Variants in ABCA5 observed in about 807,000 individuals in gnomAD.
The protein encoded by ABCA5 is ATP binding cassette subfamily A member 5.
In ABCA5, 163 loss-of-function variants were observed where a neutral mutation model predicts 206.0. The ratio of observed to expected loss-of-function variants is 0.79; its 90% CI spans 0.70 to 0.90. The LOEUF is 0.90. Ranked by LOEUF, ABCA5 falls within the 40% of genes least tolerant of loss-of-function variation. The probability of loss-of-function intolerance (pLI) is 0.00; values close to 1 mark genes in which losing one functional copy is unlikely to be tolerated. For missense variants in ABCA5, 1,859 were observed against 1,912.9 expected, an observed-to-expected ratio of 0.97 and a Z score of 0.53; for synonymous variants, 609 against 613.8, an observed-to-expected ratio of 0.99 and a Z score of 0.11.
At chr17:69,260,150 T>A (rs2075130998) in intron 27 of ABCA5, among the ~76,000 whole-genome samples, 188 bp downstream of exon 27, 1 of 151,952 alleles carries the variant, frequency 6.6e-6, no homozygotes, top group African/African-American at 2.4e-5. Flanking sequence ...TATATTAAAG[T>A]GAACATATTC....
chr17:69,300,544 A>G (rs886564220), intron 9 of ABCA5, among the ~76,000 whole-genome samples: 8 of 152,224 alleles, frequency 5.3e-5, no homozygotes, highest in Admixed American at 1.3e-4. Context: ...ACAGCCATAT[A>G]TGGCTACTGA....
chr17:69,256,381 A>G (rs2075080524), intron 28 of ABCA5, 98 bp from the exon 29 acceptor site: 13 of 665,800 alleles, frequency 2.0e-5, no homozygotes, highest in Non-Finnish European at 2.9e-5. Flanking sequence ...GAAAAAATAC[A>G]CTAACATAAG....
chr17:69,264,096 A>G (rs2075181382), intron 24 of ABCA5, among the ~76,000 whole-genome samples: 1 of 152,178 alleles, frequency 6.6e-6, no homozygotes, highest in Admixed American at 6.5e-5. Flanking sequence ...GTAGTTTGAT[A>G]GGAATAGTGT....
chr17:69,255,303 T>G (rs1228536958), intron 31 of ABCA5, among the ~76,000 whole-genome samples: 1 of 152,184 alleles, frequency 6.6e-6, no homozygotes. Flanking sequence ...AACTCACGCA[T>G]GTAAGCATTA....
At chr17:69,257,637 A>G (rs2075098439) in intron 28 of ABCA5, among the ~76,000 whole-genome samples, 2 of 151,952 alleles carry the variant, frequency 1.3e-5, no homozygotes, top group Admixed American at 1.3e-4. Context: ...AATGAGATCC[A>G]TGGGTTCTTT....
intron 3 of ABCA5, among the ~76,000 whole-genome samples, chr17:69,310,222 C>G (rs900585201): frequency 1.3e-5 from 2 of 152,104 alleles, no homozygotes; most frequent in African/African-American, 2.4e-5. Flanking sequence ...TGCACTCAAA[C>G]TTCAGGGGTC....
intron 18 of ABCA5, 126 bp downstream of exon 18, chr17:69,283,827 A>G: frequency 1.2e-6 from 1 of 859,428 alleles, no homozygotes; most frequent in Admixed American, 3.8e-5. Context: ...TCAGTATCTC[A>G]TTACTTATTT....
Position 69,298,277 on chromosome 17 carries a change from AAGGAAGGG to A in ABCA5, c.1268-926_1268-919del, listed in dbSNP as rs1337866298. Among the ~76,000 whole-genome samples, 774 of 126,564 alleles carry A rather than the reference AAGGAAGGG, an allele frequency of 6.1e-3. 9 individuals are homozygous for A. Among genetic ancestry groups the A allele is most frequent in the African/African-American group, 0.015 (425 of 28,700 alleles). The allele number at this position is 126,564 out of a possible 152,430, so 83.0% of individuals were successfully genotyped here. ...GAAGGAAGGAAGGAAGGAAGGAAGG[AAGGAAGGG>A]AGGGAGGGGAAAGAGAAAGAAAGAG... On this transcript the variant is annotated intron_variant, in intron 9 of 38. Coordinates refer to ENST00000392676, the MANE Select transcript of ABCA5 (RefSeq NM_172232.4).
rs1257227720 is a variant in ABCA5 at position 69,244,820 on chromosome 17, T to G, written c.*2717A>C. On this transcript the variant is annotated 3_prime_UTR_variant, in exon 39 of 39. Transcript: ENST00000392676. ...TTATCCTAAGTAAAATTAATTGTGC[T>G]CCTATAAAACGTTGTTAGTACTACT... 2 of 151,050 alleles carry G rather than the reference T, an allele frequency of 1.3e-5. No individual in the cohort carries two copies. The highest frequency in any genetic ancestry group is 3.0e-5 in the Non-Finnish European group (2 of 67,626). The allele number at this position is 151,050 out of a possible 1,614,324, so 9.4% of individuals were successfully genotyped here.
intron 24 of ABCA5, among the ~76,000 whole-genome samples, chr17:69,262,006 G>A (rs1243736910): frequency 7.3e-6 from 1 of 136,270 alleles, no homozygotes; most frequent in African/African-American, 2.5e-5. Flanking sequence ...TTTTTAATGT[G>A]TAAGAAAAAC....
chr17:69,277,570 T>C lies in ABCA5; in HGVS notation c.2594+71A>G, dbSNP rs564681073. 114 of 1,219,810 alleles carry C rather than the reference T, an allele frequency of 9.3e-5. 1 individual carries two copies. The highest frequency in any genetic ancestry group is 8.3e-4 in the Middle Eastern group (3 of 3,600). 75.6% of individuals were successfully genotyped at this position (1,219,810 alleles called of 1,614,324 possible). On this transcript the variant is annotated intron_variant, in intron 19 of 38. Transcript: ENST00000392676. ...TTTACATATGTTAACATTTTAAAAA[T>C]TAAGATGGTAAAACCAATGTGTATC...
chr17:69,319,322 C>T (rs2075844553), intron 1 of ABCA5, among the ~76,000 whole-genome samples: 1 of 152,186 alleles, frequency 6.6e-6, no homozygotes, highest in South Asian at 2.1e-4. Context: ...GGATGCTTAA[C>T]TCTTCATTTT....
In ABCA5 at chr17:69,279,437, C is replaced by T. The variant is rs1390281250; in HGVS notation, c.2393-1595G>A. ...GCTCATGGGTAGGAAGAACCAATAT[C>T]GTGAAAATGGCCATACTGCCCAAGG... is the stretch of plus-strand genomic sequence containing the variant. On this transcript the variant is annotated intron_variant, in intron 18 of 38. Coordinates refer to ENST00000392676, the MANE Select transcript of ABCA5 (RefSeq NM_172232.4). 4.6e-5 allele frequency among the ~76,000 whole-genome samples: 7 copies of T among 151,982 alleles called. No homozygotes were observed. The East Asian group carries it at 7.7e-4, about 17-fold the overall frequency.
intron 23 of ABCA5, among the ~76,000 whole-genome samples, chr17:69,267,561 A>G (rs1470837192): frequency 6.6e-6 from 1 of 152,134 alleles, no homozygotes; most frequent in African/African-American, 2.4e-5. Context: ...GATAAAAGGG[A>G]CGGGCATGTT....
chr17:69,260,465 G>A, intron 26 of ABCA5, 53 bp from the exon 27 acceptor site: 1 of 1,188,206 alleles, frequency 8.4e-7, no homozygotes, highest in South Asian at 1.4e-5. Flanking sequence ...GAAATATTTG[G>A]ATTAAAATGA....
intron 24 of ABCA5, among the ~76,000 whole-genome samples, 196 bp downstream of exon 24, chr17:69,264,539 A>G (rs764482902): frequency 3.3e-5 from 5 of 152,214 alleles, no homozygotes; most frequent in Non-Finnish European, 7.4e-5. Context: ...TTATTTTAAA[A>G]TGGTGGTAAG....
rs761160032 is a variant in ABCA5 at position 69,250,582 on chromosome 17, T to C, written c.4575A>G (p.Gly1525=). Residue 1525 remains glycine (G), a synonymous_variant, in exon 36 of 39, where the codon GGA becomes GGG. Transcript: ENST00000392676. ...GTVQHLKSKF[G]KGYFLEIKLK... is the part of the protein sequence containing the mutation. The stretch of plus-strand genomic sequence containing the variant: ...ATTTAATTTCCAAAAAGTAGCCTTT[T>C]CCAAATTTACTCTTTAGATGTTGTA... 43 of 1,599,392 alleles carry C rather than the reference T, an allele frequency of 2.7e-5. No individual in the cohort carries two copies. The highest frequency in any genetic ancestry group is 3.6e-5 in the Non-Finnish European group (42 of 1,175,014).
chr17:69,312,993 C>T (rs1389966051), intron 3 of ABCA5, 99 bp downstream of exon 3: 10 of 645,616 alleles, frequency 1.5e-5, no homozygotes, highest in Non-Finnish European at 2.3e-5. Flanking sequence ...AGGAACACAT[C>T]TCTAAGTGTT....
chr17:69,280,302 A>G (rs1203105489), intron 18 of ABCA5, among the ~76,000 whole-genome samples: 1 of 152,278 alleles, frequency 6.6e-6, no homozygotes, highest in East Asian at 1.9e-4. Flanking sequence ...ATCACTGGCC[A>G]TTAGGGAAAT....
Sources: allele counts gnomAD v4.1 joint callset (sites outside exome capture counted in the v4.1 genomes callset), GRCh38; gene constraint gnomAD v4.1.1; transcripts MANE v1.5; gene names NCBI Gene and HGNC (gene_info 2026-07-23, HGNC 2026-07-21).